Variants in PATJ observed in about 807,000 individuals in gnomAD.
The protein encoded by PATJ is inaD-like protein.
In PATJ, 190 loss-of-function variants were observed where a neutral mutation model predicts 224.9. The observed-to-expected ratio is 0.84, with a 90% confidence interval of 0.75 to 0.95. PATJ has a LOEUF of 0.95. Among genes scored for constraint, PATJ ranks in the 40% least tolerant of loss-of-function variants. PATJ has a pLI of 0.00. For missense variants in PATJ, 2,121 were observed against 2,270.3 expected, an observed-to-expected ratio of 0.93 and a Z score of 1.34; for synonymous variants, 769 against 820.3, an observed-to-expected ratio of 0.94 and a Z score of 1.07.
At chr1:61,896,198 A>G (rs2498992) in intron 22 of PATJ, among the ~76,000 whole-genome samples, 96,180 of 151,344 alleles carry the variant, frequency 0.64, 31,154 homozygotes, top group Middle Eastern at 0.7. Flanking sequence ...GTGGGAGGCC[A>G]AGTCAGGAGA....
intron 32 of PATJ, among the ~76,000 whole-genome samples, chr1:62,084,152 G>A (rs1243741567): frequency 6.6e-6 from 1 of 152,214 alleles, no homozygotes; most frequent in Admixed American, 6.5e-5. Context: ...TACTTGGGAA[G>A]CTGAGGCAGG....
intron 33 of PATJ, among the ~76,000 whole-genome samples, chr1:62,097,263 G>C (rs1661503076): frequency 6.6e-6 from 1 of 151,640 alleles, no homozygotes; most frequent in African/African-American, 2.4e-5. Flanking sequence ...TGGCAACCTT[G>C]ATAGAATCTG....
At chr1:62,107,305 CAA>C (rs57079068) in intron 33 of PATJ, among the ~76,000 whole-genome samples, 9 of 129,270 alleles carry the variant, frequency 7.0e-5, no homozygotes, top group Admixed American at 7.9e-5. Context: ...GAGTCCATCT[CAA>C]AAAAAAAAAA....
At chr1:62,022,159 C>T (rs1443485598) in intron 29 of PATJ, among the ~76,000 whole-genome samples, 1 of 152,182 alleles carries the variant, frequency 6.6e-6, no homozygotes, top group Non-Finnish European at 1.5e-5. Flanking sequence ...TTTTAATTAA[C>T]TAAGGCCTTT....
chr1:61,936,823 C>T (rs550164035), intron 27 of PATJ, among the ~76,000 whole-genome samples: 6 of 152,114 alleles, frequency 3.9e-5, no homozygotes, highest in Non-Finnish European at 5.9e-5. Flanking sequence ...CTGCCCACGT[C>T]GGCCTCCTTT....
chr1:61,846,801 G>A (rs1662040754), intron 17 of PATJ, among the ~76,000 whole-genome samples: 1 of 152,212 alleles, frequency 6.6e-6, no homozygotes, highest in African/African-American at 2.4e-5. Context: ...TTTTCGCCAT[G>A]TTGGCCGGGC....
At chr1:61,885,231 G>C (rs1034140453) in intron 22 of PATJ, among the ~76,000 whole-genome samples, 3 of 152,062 alleles carry the variant, frequency 2.0e-5, no homozygotes, top group Admixed American at 2.0e-4. Flanking sequence ...TACCATCAGA[G>C]TGAACAGGCA....
intron 14 of PATJ, among the ~76,000 whole-genome samples, chr1:61,809,498 C>G (rs956128148): frequency 7.2e-5 from 11 of 151,736 alleles, no homozygotes; most frequent in South Asian, 4.1e-4. Context: ...AGCGATTCTC[C>G]TGCCTCAGCC....
intron 7 of PATJ, among the ~76,000 whole-genome samples, chr1:61,783,515 A>G (rs1647812811): frequency 6.7e-6 from 1 of 149,806 alleles, no homozygotes; most frequent in African/African-American, 2.5e-5. Flanking sequence ...TGCAGCCTCC[A>G]ACTCCTGACT....
chr1:61,772,053 C>G (rs1646644098), intron 6 of PATJ, among the ~76,000 whole-genome samples: 1 of 150,052 alleles, frequency 6.7e-6, no homozygotes, highest in African/African-American at 2.4e-5. Flanking sequence ...AAAAGATGAT[C>G]ATATCTCTGA....
At chr1:61,943,402 C>T (rs1272697570) in intron 27 of PATJ, among the ~76,000 whole-genome samples, 6 of 152,188 alleles carry the variant, frequency 3.9e-5, no homozygotes, top group East Asian at 1.9e-4. Context: ...CCTAATACTG[C>T]GCTTTTCCAA....
chr1:61,817,837 G>T (rs1656461261), intron 14 of PATJ, among the ~76,000 whole-genome samples: 1 of 151,998 alleles, frequency 6.6e-6, no homozygotes, highest in East Asian at 1.9e-4. Context: ...TGAAAAGTTT[G>T]TTTTTTATTT....
At chr1:61,943,244 C>T (rs1678092618) in intron 27 of PATJ, among the ~76,000 whole-genome samples, 1 of 152,214 alleles carries the variant, frequency 6.6e-6, no homozygotes, top group Non-Finnish European at 1.5e-5. Context: ...CCGGGTTCAT[C>T]TCACAGGGGC....
intron 31 of PATJ, among the ~76,000 whole-genome samples, chr1:62,062,194 T>C (rs1448223320): frequency 1.4e-5 from 2 of 148,110 alleles, no homozygotes; most frequent in Non-Finnish European, 2.9e-5. Context: ...TGAACTAATT[T>C]ACATTCCCAC....
chr1:61,762,909 C>G lies in PATJ; in HGVS notation c.17C>G (p.Ala6Gly). ...TAATTCAAAATGCCTGAAAATCCTG[C>G]TACAGGTATACTGGATATATTGTTC... MPENP[A>G]TDKLQVLQVL... Residue 6 changes from alanine to glycine, a missense_variant, in exon 2 of 44, where the codon GCT (alanine) becomes GGT (glycine). By Grantham distance (60) the Ala-to-Gly change is moderately conservative. Coordinates refer to ENST00000642238, the MANE Select transcript of PATJ (RefSeq NM_001350145.3). 1 of 1,547,914 alleles carries G rather than the reference C, an allele frequency of 6.5e-7. No homozygotes were observed. Among genetic ancestry groups the G allele is most frequent in the Middle Eastern group, 2.4e-4 (1 of 4,248 alleles).
chr1:61,882,468 C>T (rs1305458661), intron 21 of PATJ, among the ~76,000 whole-genome samples: 2 of 152,124 alleles, frequency 1.3e-5, no homozygotes, highest in Non-Finnish European at 2.9e-5. Flanking sequence ...CAGAGGTAAT[C>T]GCGATTTGGT....
At chr1:61,773,718 CGGA>C (rs953960895) in intron 6 of PATJ, among the ~76,000 whole-genome samples, 1 of 151,406 alleles carries the variant, frequency 6.6e-6, no homozygotes, top group Non-Finnish European at 1.5e-5. Flanking sequence ...ACCTGGCAGG[CGGA>C]GGTTGCAGTG....
chr1:61,874,539 A>G (rs1396226064), intron 20 of PATJ, among the ~76,000 whole-genome samples: 1 of 152,216 alleles, frequency 6.6e-6, no homozygotes, highest in African/African-American at 2.4e-5. Context: ...CCCATTCACC[A>G]GGGCTCTGCC....
In PATJ at chr1:61,851,450, G is replaced by T. The variant is rs74588315; in HGVS notation, c.2113-4580G>T. Among the ~76,000 whole-genome samples the T allele has an allele frequency of 2.8e-3, 429 of 152,210 alleles. 5 individuals are homozygous for T. Among genetic ancestry groups the T allele is most frequent in the African/African-American group, 9.8e-3 (405 of 41,514 alleles). The stretch of plus-strand genomic sequence containing the variant: ...GAGGGGATGGTTTGCATTAAGCCAC[G>T]CAGCATGACAAGGCCTTTCACAATA... On this transcript the variant is annotated intron_variant, in intron 17 of 43. Coordinates refer to ENST00000642238, the MANE Select transcript of PATJ (RefSeq NM_001350145.3).
Sources: allele counts gnomAD v4.1 joint callset (sites outside exome capture counted in the v4.1 genomes callset), GRCh38; gene constraint gnomAD v4.1.1; transcripts MANE v1.5; gene names NCBI Gene and HGNC (gene_info 2026-07-23, HGNC 2026-07-21).